The following PARVA variants were observed in gnomAD, a reference collection of about 807,000 sequenced individuals.
PARVA encodes the protein alpha-parvin.
In PARVA, 25 loss-of-function variants were observed where a neutral mutation model predicts 52.6. That is an observed-to-expected ratio of 0.48 (90% confidence interval 0.35 to 0.66). The LOEUF is 0.66. PARVA is among the 30% of genes least tolerant of loss of function. The pLI is 0.01. For synonymous variants in PARVA, 185 were observed against 179.1 expected (o/e 1.03, Z -0.26); for missense variants, 373 against 450.9 (o/e 0.83, Z 1.56).
At chr11:12,384,337 C>G (rs1939540471) in intron 1 of PARVA, among the ~76,000 whole-genome samples, 1 of 152,180 alleles carries the variant, frequency 6.6e-6, no homozygotes, top group African/African-American at 2.4e-5. Context: ...TCCATTATTT[C>G]CATTCTTTCA....
At chr11:12,406,787 C>T (rs889143349) in intron 1 of PARVA, among the ~76,000 whole-genome samples, 15 of 150,676 alleles carry the variant, frequency 1.0e-4, no homozygotes, top group African/African-American at 2.4e-4. Context: ...TCTCCTGCCT[C>T]GGCCTCCCAA....
At chr11:12,380,632 A>G (rs1444540270) in intron 1 of PARVA, among the ~76,000 whole-genome samples, 1 of 150,726 alleles carries the variant, frequency 6.6e-6, no homozygotes, top group East Asian at 1.9e-4. Flanking sequence ...GGGACGGTGG[A>G]AATGGAGAAT....
chr11:12,450,790 G>T (rs561243740), intron 1 of PARVA, among the ~76,000 whole-genome samples: 6 of 152,276 alleles, frequency 3.9e-5, no homozygotes, highest in Admixed American at 3.9e-4. Flanking sequence ...ATGTTTGAGG[G>T]CAGGAAGCAT....
intron 1 of PARVA, among the ~76,000 whole-genome samples, chr11:12,454,534 C>G (rs1004979712): frequency 6.6e-6 from 1 of 151,018 alleles, no homozygotes; most frequent in Non-Finnish European, 1.5e-5. Flanking sequence ...GCCTGTGTGT[C>G]ACTTCTGCTT....
At chr11:12,378,047 C>T (rs1218016226) in intron 1 of PARVA, among the ~76,000 whole-genome samples, 3 of 150,018 alleles carry the variant, frequency 2.0e-5, no homozygotes, top group African/African-American at 7.3e-5. Context: ...GGGACCAGGC[C>T]AACGCCCCCG....
chr11:12,451,399 C>T (rs1025687247), intron 1 of PARVA, among the ~76,000 whole-genome samples: 2 of 151,862 alleles, frequency 1.3e-5, no homozygotes, highest in East Asian at 1.9e-4. Context: ...TGGATACTCA[C>T]GTCCCTACCT....
intron 4 of PARVA, 120 bp from the exon 5 acceptor site, chr11:12,496,338 T>C: frequency 2.6e-6 from 1 of 391,566 alleles, no homozygotes. Flanking sequence ...CAGTATCTAT[T>C]GTTGCAAGAG....
intron 1 of PARVA, among the ~76,000 whole-genome samples, chr11:12,465,059 A>G (rs1480461992): frequency 6.6e-6 from 1 of 152,216 alleles, no homozygotes; most frequent in Non-Finnish European, 1.5e-5. Flanking sequence ...GACAGGAGGC[A>G]GAGCTCAGGT....
rs528219223 is a variant in PARVA at position 12,490,472 on chromosome 11, G to A, written c.401-5986G>A. On this transcript the variant is annotated intron_variant, in intron 4 of 12. Coordinates refer to ENST00000334956, the MANE Select transcript of PARVA (RefSeq NM_018222.5). ...GTGGAGGTTGCAGTGAGCAGAGATCGAGCCACTGCACTCCAGCCTGGGTGA... is the reference window on the plus strand; with the variant it reads ...GTGGAGGTTGCAGTGAGCAGAGATCAAGCCACTGCACTCCAGCCTGGGTGA... Among the ~76,000 whole-genome samples the A allele has an allele frequency of 1.9e-3, 287 of 150,276 alleles. 1 individual carries two copies. Among genetic ancestry groups the A allele is most frequent in the African/African-American group, 6.5e-3 (264 of 40,874 alleles).
chr11:12,515,150 G>A (rs573465910), intron 10 of PARVA, among the ~76,000 whole-genome samples: 5 of 152,144 alleles, frequency 3.3e-5, no homozygotes, highest in East Asian at 1.9e-4. Context: ...GGTGTTCACC[G>A]GATTTCCCTA....
intron 1 of PARVA, among the ~76,000 whole-genome samples, chr11:12,452,414 TAA>T (rs1940635162): frequency 6.6e-6 from 1 of 152,170 alleles, no homozygotes; most frequent in African/African-American, 2.4e-5. Flanking sequence ...TGATCTAGTT[TAA>T]GTTATCTCAC....
chr11:12,419,204 T>G (rs983978875), intron 1 of PARVA, among the ~76,000 whole-genome samples: 1 of 152,224 alleles, frequency 6.6e-6, no homozygotes, highest in South Asian at 2.1e-4. Context: ...CACACTGTTT[T>G]GTAACCAACC....
chr11:12,482,156 C>CA (rs60933434), intron 4 of PARVA, among the ~76,000 whole-genome samples: 7,275 of 60,300 alleles, frequency 0.12, 514 homozygotes, highest in African/African-American at 0.28. Flanking sequence ...AACCCTGTCT[C>CA]AAAAAAAAAA....
intron 4 of PARVA, among the ~76,000 whole-genome samples, chr11:12,494,480 G>A (rs778435291): frequency 6.6e-6 from 1 of 152,106 alleles, no homozygotes; most frequent in African/African-American, 2.4e-5. Context: ...AACAAAAGAT[G>A]TTCCTTTTAC....
intron 1 of PARVA, among the ~76,000 whole-genome samples, chr11:12,461,083 G>A (rs1940772240): frequency 1.3e-5 from 2 of 152,134 alleles, no homozygotes; most frequent in African/African-American, 2.4e-5. Flanking sequence ...CAGGTACCTG[G>A]CACTGTGCTG....
chr11:12,495,109 CA>C (rs1941281838), intron 4 of PARVA, among the ~76,000 whole-genome samples: 1 of 152,212 alleles, frequency 6.6e-6, no homozygotes, highest in African/African-American at 2.4e-5. Context: ...AAGGCACACA[CA>C]AGGTCTCTTC....
intron 10 of PARVA, among the ~76,000 whole-genome samples, chr11:12,514,483 T>G (rs549184859): frequency 6.6e-6 from 1 of 152,316 alleles, no homozygotes; most frequent in African/African-American, 2.4e-5. Context: ...CTGTTTTTGT[T>G]TTCTGTTTTG....
intron 1 of PARVA, 78 bp downstream of exon 1, chr11:12,377,861 C>G (rs1939423029): frequency 8.7e-7 from 1 of 1,143,358 alleles, no homozygotes; most frequent in South Asian, 2.5e-5. Context: ...GGCACTGGGA[C>G]CGGGCGGGAG....
chr11:12,438,923 A>G (rs1432836120), intron 1 of PARVA, among the ~76,000 whole-genome samples: 1 of 152,202 alleles, frequency 6.6e-6, no homozygotes, highest in African/African-American at 2.4e-5. Context: ...GGATGGGAAG[A>G]AAGAGGCTCT....
Sources: allele counts gnomAD v4.1 joint callset (sites outside exome capture counted in the v4.1 genomes callset), GRCh38; gene constraint gnomAD v4.1.1; transcripts MANE v1.5; gene names NCBI Gene and HGNC (gene_info 2026-07-23, HGNC 2026-07-21).